Variants in GRIK4 observed in about 807,000 individuals in gnomAD.
GRIK4 encodes glutamate receptor ionotropic, kainate 4.
In GRIK4, 40 loss-of-function variants were observed where a neutral mutation model predicts 104.9. That is an observed-to-expected ratio of 0.38 (90% CI 0.30 to 0.50). The LOEUF (loss-of-function observed/expected upper bound fraction) is 0.50, where lower values mean the gene tolerates loss of function less well. Ranked by LOEUF, GRIK4 falls within the 20% of genes least tolerant of loss-of-function variation. The pLI, the probability that GRIK4 is intolerant of heterozygous loss-of-function variation, is 0.93. For synonymous variants in GRIK4, 485 were observed against 524.9 expected, an observed-to-expected ratio of 0.92 and a Z score of 1.04; for missense variants, 1,047 against 1,308.1, an observed-to-expected ratio of 0.80 and a Z score of 3.08.
intron 6 of GRIK4, among the ~76,000 whole-genome samples, chr11:120,825,755 A>G (rs1191881967): frequency 3.9e-5 from 6 of 152,230 alleles, no homozygotes; most frequent in Non-Finnish European, 8.8e-5. Flanking sequence ...CTCCCATGTA[A>G]CAAGACGATA....
At chr11:120,799,158 G>A (rs1363807425) in intron 3 of GRIK4, among the ~76,000 whole-genome samples, 1 of 152,174 alleles carries the variant, frequency 6.6e-6, no homozygotes, top group Non-Finnish European at 1.5e-5. Flanking sequence ...CATTTTCTGA[G>A]AGATTATTTT....
chr11:120,985,221 G>A (rs543181), intron 20 of GRIK4, among the ~76,000 whole-genome samples: 35,499 of 152,040 alleles, frequency 0.23, 4,345 homozygotes, highest in African/African-American at 0.3. Context: ...ACTCAGCGGC[G>A]GCGTGGCTTG....
At chr11:120,582,583 C>T (rs1418968265) in intron 1 of GRIK4, among the ~76,000 whole-genome samples, 2 of 152,016 alleles carry the variant, frequency 1.3e-5, no homozygotes, top group Non-Finnish European at 2.9e-5. Flanking sequence ...GTGTTAGCAC[C>T]CACTTATAAG....
At chr11:120,538,388 G>A (rs1186359027) in intron 1 of GRIK4, among the ~76,000 whole-genome samples, 1 of 152,174 alleles carries the variant, frequency 6.6e-6, no homozygotes, top group African/African-American at 2.4e-5. Context: ...CCACCAAAGT[G>A]TCTGATTCCC....
chr11:120,971,777 G>A (rs193023378), intron 19 of GRIK4, among the ~76,000 whole-genome samples: 5 of 152,356 alleles, frequency 3.3e-5, no homozygotes, highest in Non-Finnish European at 5.9e-5. Context: ...GCCTGGACCT[G>A]GAAGCATCCC....
In GRIK4 at chr11:120,940,982, C is replaced by T. The variant is rs1943710228; in HGVS notation, c.1590+522C>T. Among the ~76,000 whole-genome samples the T allele has an allele frequency of 6.6e-6, 1 of 152,228 alleles. No homozygotes were observed. Among genetic ancestry groups the T allele is most frequent in the Non-Finnish European group, 1.5e-5 (1 of 68,032 alleles). On this transcript the variant is annotated intron_variant, in intron 14 of 20. Transcript: ENST00000527524. This position sits in a 1 kb window ranked among gnomAD's most constrained non-coding sequence, Gnocchi z 4.3. ...GCCCCCATCAGAAAGACTCCTCTGG[C>T]TAGGTAGGCCAGGGTGAGTGTCACA...
chr11:120,678,086 C>A (rs11217967), intron 3 of GRIK4, among the ~76,000 whole-genome samples: 45,693 of 152,068 alleles, frequency 0.3, 7,517 homozygotes, highest in East Asian at 0.53. Context: ...CCCTGCTGTG[C>A]TCCCCTCTGC....
intron 13 of GRIK4, among the ~76,000 whole-genome samples, chr11:120,918,507 G>C (rs1943159112): frequency 6.6e-6 from 1 of 152,198 alleles, no homozygotes; most frequent in Non-Finnish European, 1.5e-5. Context: ...TTAAGACATG[G>C]TGAAGGAGGA....
At chr11:120,797,526 G>A (rs926356708) in intron 3 of GRIK4, among the ~76,000 whole-genome samples, 10 of 152,208 alleles carry the variant, frequency 6.6e-5, no homozygotes, top group Non-Finnish European at 1.2e-4. Flanking sequence ...AAGAGTGCCT[G>A]AGCCTCCACC....
chr11:120,515,063 G>A (rs1420964338), intron 1 of GRIK4: 1 of 456,580 alleles, frequency 2.2e-6, no homozygotes, highest in Admixed American at 2.3e-5. Flanking sequence ...GCAGGTGAAG[G>A]CCCTCTGCAC....
At chr11:120,900,870 GTGTCGC>G (rs1249951786) in intron 12 of GRIK4, among the ~76,000 whole-genome samples, 1 of 152,210 alleles carries the variant, frequency 6.6e-6, no homozygotes, top group Non-Finnish European at 1.5e-5. Flanking sequence ...GAGGGTTGCG[GTGTCGC>G]TGTCCAGCAG....
chr11:120,522,368 C>A (rs1333445442), intron 1 of GRIK4, among the ~76,000 whole-genome samples: 2 of 151,996 alleles, frequency 1.3e-5, no homozygotes, highest in Non-Finnish European at 2.9e-5. Context: ...GTTGCCCAGG[C>A]TGGAGTGCCG....
intron 1 of GRIK4, among the ~76,000 whole-genome samples, chr11:120,526,568 C>T (rs760808851): frequency 2.6e-5 from 4 of 152,232 alleles, no homozygotes; most frequent in Admixed American, 6.5e-5. Context: ...CACAGTGGCT[C>T]ATGCCTGTAA....
At chr11:120,980,280 G>C (rs1311905634) in intron 19 of GRIK4, among the ~76,000 whole-genome samples, 1 of 152,196 alleles carries the variant, frequency 6.6e-6, no homozygotes, top group East Asian at 1.9e-4. Context: ...AGTCATGGGG[G>C]ATGTCCACCC....
At position 120,660,393 on chromosome 11, in the gene GRIK4, G is replaced by A; in HGVS notation, c.75G>A (p.Leu25=). The change falls in exon 3 of 21, where the codon TTG becomes TTA. Residue 25 remains leucine (L), a synonymous_variant. Coordinates refer to ENST00000527524, the MANE Select transcript of GRIK4 (RefSeq NM_014619.5). The part of the protein sequence containing the change: ...LVMVACSPHS[L]RIAAILDDPM... ...TGGTCGCCTGCAGCCCGCACTCCTT[G>A]AGGATCGGTAAGTGTGGCCCAGCTT... 1.2e-6 allele frequency: 2 copies of A among 1,612,262 alleles called. No individual in the cohort carries two copies. Among genetic ancestry groups the A allele is most frequent in the Non-Finnish European group, 1.7e-6 (2 of 1,179,568 alleles).
chr11:120,908,736 G>A (rs183144129), intron 13 of GRIK4, among the ~76,000 whole-genome samples: 28 of 152,334 alleles, frequency 1.8e-4, no homozygotes, highest in Admixed American at 5.9e-4. Flanking sequence ...TCCACCGCAA[G>A]GAGGGGGAAA....
intron 14 of GRIK4, among the ~76,000 whole-genome samples, chr11:120,949,412 T>C (rs1943945656): frequency 6.6e-6 from 1 of 152,216 alleles, no homozygotes; most frequent in Non-Finnish European, 1.5e-5. Flanking sequence ...TCCGCAGAGC[T>C]TGACCTGTCT....
chr11:120,911,255 T>C (rs78423958), intron 13 of GRIK4, among the ~76,000 whole-genome samples: 1 of 150,834 alleles, frequency 6.6e-6, no homozygotes, highest in African/African-American at 2.4e-5. Context: ...TTTTTTTTTT[T>C]TGAGACGGAG....
chr11:120,959,618 A>C, intron 16 of GRIK4, among the ~76,000 whole-genome samples: 1 of 152,236 alleles, frequency 6.6e-6, no homozygotes, highest in Non-Finnish European at 1.5e-5. Flanking sequence ...AGATGGGAGA[A>C]GGCTTGTTTA....
Sources: gnomAD v4.1 joint callset for allele counts (sites outside exome capture counted in the v4.1 genomes callset) on GRCh38, gnomAD v4.1.1 for gene constraint, Gnocchi (gnomAD v3.1) non-coding constraint, MANE v1.5 for transcripts, NCBI Gene and HGNC (gene_info 2026-07-23, HGNC 2026-07-21) for gene names.